The following BCKDHB variants were observed in gnomAD, a reference collection of about 807,000 sequenced individuals.
The protein encoded by BCKDHB is branched chain keto acid dehydrogenase E1 subunit beta.
BCKDHB carries 41 observed loss-of-function variants against 48.5 expected under a neutral mutation model. That is an observed-to-expected ratio of 0.85 (90% CI 0.66 to 1.10). The LOEUF (loss-of-function observed/expected upper bound fraction) is 1.10. BCKDHB is among the 50% of genes least tolerant of loss of function. BCKDHB has a pLI of 0.00. For missense variants in BCKDHB, 496 were observed against 494.2 expected (o/e 1.00, Z -0.03); for synonymous variants, 201 against 174.8 (o/e 1.15, Z -1.18).
intron 8 of BCKDHB, among the ~76,000 whole-genome samples, chr6:80,244,940 G>A (rs149004158): frequency 6.6e-6 from 1 of 152,142 alleles, no homozygotes; most frequent in Admixed American, 6.5e-5. Context: ...TCCTAGCTTG[G>A]ATTGAATTCA....
intron 6 of BCKDHB, among the ~76,000 whole-genome samples, chr6:80,197,479 T>A (rs567269033): frequency 2.6e-5 from 4 of 152,290 alleles, no homozygotes; most frequent in African/African-American, 9.6e-5. Flanking sequence ...CCTTATTATT[T>A]GGGGTAATTT....
At chr6:80,337,294 A>T (rs1430132607) in intron 9 of BCKDHB, among the ~76,000 whole-genome samples, 3 of 152,160 alleles carry the variant, frequency 2.0e-5, no homozygotes, top group Admixed American at 1.3e-4. Context: ...TAAATCTGTG[A>T]GTTCACGGAC....
At chr6:80,206,710 A>G (rs1774681684) in intron 8 of BCKDHB, among the ~76,000 whole-genome samples, 1 of 152,048 alleles carries the variant, frequency 6.6e-6, no homozygotes, top group South Asian at 2.1e-4. Flanking sequence ...TAGTTAATAG[A>G]AAATGTCCAA....
intron 6 of BCKDHB, among the ~76,000 whole-genome samples, chr6:80,178,352 T>C (rs1773261016): frequency 6.6e-6 from 1 of 152,348 alleles, no homozygotes. Context: ...ATGTTACTAA[T>C]AGGTAATTTT....
the BCKDHB span, among the ~76,000 whole-genome samples, chr6:80,450,683 C>T: frequency 3.3e-5 from 5 of 152,134 alleles, no homozygotes; most frequent in East Asian, 9.6e-4. Flanking sequence ...CTGTTACAAT[C>T]TCATGCACCT....
At chr6:80,305,283 A>G (rs918229137) in intron 9 of BCKDHB, among the ~76,000 whole-genome samples, 23 of 151,882 alleles carry the variant, frequency 1.5e-4, no homozygotes, top group African/African-American at 5.6e-4. Flanking sequence ...TGGAAAAATT[A>G]TGACTTAAAA....
chr6:80,167,538 A>C (rs1772636221), intron 3 of BCKDHB, 140 bp from the exon 4 acceptor site: 2 of 912,998 alleles, frequency 2.2e-6, no homozygotes, highest in Non-Finnish European at 3.3e-6. Flanking sequence ...CACCGTGGCT[A>C]GCCATACTCT....
downstream of BCKDHB, among the ~76,000 whole-genome samples, chr6:80,350,277 G>T (rs1016234865): frequency 3.3e-5 from 5 of 151,778 alleles, no homozygotes; most frequent in Admixed American, 2.0e-4. Flanking sequence ...GAAAACCGAA[G>T]ATATAAGAAT....
At chr6:80,415,707 A>G in the BCKDHB span, among the ~76,000 whole-genome samples, 12 of 152,198 alleles carry the variant, frequency 7.9e-5, no homozygotes, top group East Asian at 2.1e-3. Flanking sequence ...ATCAATGTTC[A>G]TTAAGGGTAT....
chr6:80,290,387 C>T (rs183438355), intron 9 of BCKDHB, among the ~76,000 whole-genome samples: 75 of 152,328 alleles, frequency 4.9e-4, no homozygotes, highest in African/African-American at 1.8e-3. Flanking sequence ...ATGGGCACAG[C>T]ATCAGTGACT....
intron 9 of BCKDHB, among the ~76,000 whole-genome samples, chr6:80,311,986 G>T (rs1768188642): frequency 1.3e-5 from 2 of 152,166 alleles, no homozygotes. Flanking sequence ...AAGTTAATGG[G>T]AATAGCATTG....
Position 80,109,956 on chromosome 6 carries a change from C to G in BCKDHB, c.196+3067C>G, listed in dbSNP as rs539890875. Among the ~76,000 whole-genome samples, 18 of 152,310 alleles carry G rather than the reference C, an allele frequency of 1.2e-4. No individual in the cohort carries two copies. In the East Asian group the frequency reaches 3.5e-3, roughly 29 times the overall value. On this transcript the variant is annotated intron_variant, in intron 1 of 9. Transcript: ENST00000320393. Reference sequence around the variant, plus strand: ...TCTTACTCCAAAGCCTCCCACACTACTTATATACTAAGATTTTGTCTGTTA... The same window carrying G: ...TCTTACTCCAAAGCCTCCCACACTAGTTATATACTAAGATTTTGTCTGTTA...
At chr6:80,370,889 T>C in the BCKDHB span, among the ~76,000 whole-genome samples, 1 of 152,094 alleles carries the variant, frequency 6.6e-6, no homozygotes, top group South Asian at 2.1e-4. Context: ...CACTCATTGA[T>C]TGATGGGGAT....
chr6:80,145,544 T>C (rs1771440859), intron 3 of BCKDHB, among the ~76,000 whole-genome samples: 1 of 152,192 alleles, frequency 6.6e-6, no homozygotes, highest in Admixed American at 6.5e-5. Context: ...TTATAGATAT[T>C]TTGGAGCTTC....
rs540738089 is a variant in BCKDHB at position 80,118,865 on chromosome 6, C to T, written c.197-8682C>T. Among the ~76,000 whole-genome samples, 3 of 152,292 alleles carry T rather than the reference C, an allele frequency of 2.0e-5. No homozygotes were observed. In the South Asian group the frequency reaches 6.2e-4, roughly 32 times the overall value. On this transcript the variant is annotated intron_variant, in intron 1 of 9. Transcript: ENST00000320393. Reference sequence around the variant, plus strand: ...TTCAGGTTGCATACGTAAAGAGCAACTCCTCATCCATTGAAGTTTTATCAT... The same window carrying T: ...TTCAGGTTGCATACGTAAAGAGCAATTCCTCATCCATTGAAGTTTTATCAT...
At chr6:80,224,414 A>G (rs1208283952) in intron 8 of BCKDHB, among the ~76,000 whole-genome samples, 1 of 151,832 alleles carries the variant, frequency 6.6e-6, no homozygotes, top group Non-Finnish European at 1.5e-5. Context: ...TTTTTTTAAA[A>G]CAAGGTCTCA....
chr6:80,339,193 G>A (rs1458630103), intron 9 of BCKDHB, among the ~76,000 whole-genome samples: 1 of 152,042 alleles, frequency 6.6e-6, no homozygotes, highest in East Asian at 1.9e-4. Context: ...TAATATATGT[G>A]TTTTTATGGA....
Position 80,168,683 on chromosome 6 carries a change from T to C in BCKDHB, c.478-192T>C, listed in dbSNP as rs572258137. 6.0e-5 allele frequency among the ~76,000 whole-genome samples: 8 copies of C among 132,464 alleles called. No homozygotes were observed. The East Asian group carries it at 6.9e-4, about 11-fold the overall frequency. 86.9% of individuals were successfully genotyped at this position (132,464 alleles called of 152,430 possible). ...AGAAAGGAAGGGAGGGAAAGACTTATTGTGCTATGGGAAAGAAAGGCAGGC... is the reference window on the plus strand; with the variant it reads ...AGAAAGGAAGGGAGGGAAAGACTTACTGTGCTATGGGAAAGAAAGGCAGGC... On this transcript the variant is annotated intron_variant, in intron 4 of 9. Coordinates refer to ENST00000320393, the MANE Select transcript of BCKDHB (RefSeq NM_183050.4).
chr6:80,336,582 G>A (rs2322754), intron 9 of BCKDHB, among the ~76,000 whole-genome samples: 117,071 of 150,920 alleles, frequency 0.78, 45,794 homozygotes, highest in Admixed American at 0.84. Context: ...AAGTCAGCAG[G>A]CATTGAAGAT....
Sources: allele counts gnomAD v4.1 joint callset (sites outside exome capture counted in the v4.1 genomes callset), GRCh38; gene constraint gnomAD v4.1.1; transcripts MANE v1.5; gene names NCBI Gene and HGNC (gene_info 2026-07-23, HGNC 2026-07-21).